KCNN2: variants seen among roughly 807,000 people sequenced by gnomAD.
KCNN2 encodes potassium calcium-activated channel subfamily N member 2, also known as small conductance calcium-activated potassium channel protein 2.
A neutral mutation model predicts 55.5 loss-of-function variants in KCNN2; 24 were observed. That is an observed-to-expected ratio of 0.43 (90% confidence interval 0.31 to 0.61). KCNN2 has a LOEUF of 0.61. Among genes scored for constraint, KCNN2 ranks in the 20% least tolerant of loss-of-function variants. The probability of loss-of-function intolerance (pLI) is 0.08; values close to 1 mark genes in which losing one functional copy is unlikely to be tolerated. For missense variants in KCNN2, 754 were observed against 853.6 expected (o/e 0.88, Z 1.45); for synonymous variants, 431 against 336.1 (o/e 1.28, Z -3.09).
chr5:114,491,525 T>TAA (rs1319058840), intron 6 of KCNN2, among the ~76,000 whole-genome samples: 1 of 54,330 alleles, frequency 1.8e-5, no homozygotes, highest in Admixed American at 1.8e-4. Context: ...TTTTTTTTTT[T>TAA]AAAAAAAGAA....
At chr5:114,241,742 G>GTATA (rs1172895855) in intron 2 of KCNN2, among the ~76,000 whole-genome samples, 3 of 15,948 alleles carry the variant, frequency 1.9e-4, no homozygotes, top group East Asian at 5.8e-3. Context: ...ACATATATAC[G>GTATA]TATATATATG....
intron 7 of KCNN2, 51 bp downstream of exon 7, chr5:114,493,523 C>A: frequency 8.4e-7 from 1 of 1,194,310 alleles, no homozygotes; most frequent in Non-Finnish European, 1.3e-6. Flanking sequence ...AAATCAACCA[C>A]TTCACAGTCA....
chr5:114,401,633 G>T (rs1287991733), intron 2 of KCNN2, among the ~76,000 whole-genome samples: 1 of 152,126 alleles, frequency 6.6e-6, no homozygotes, highest in African/African-American at 2.4e-5. Flanking sequence ...AACAAAGGAG[G>T]GAGTTTCCAG....
At chr5:114,428,713 TAATCC>T (rs1759700508) in intron 3 of KCNN2, among the ~76,000 whole-genome samples, 1 of 152,130 alleles carries the variant, frequency 6.6e-6, no homozygotes, top group Non-Finnish European at 1.5e-5. Flanking sequence ...GTCTACCTAT[TAATCC>T]CTTTCTTCTC....
chr5:114,232,397 C>A (rs1379539218), intron 2 of KCNN2, among the ~76,000 whole-genome samples: 1 of 151,196 alleles, frequency 6.6e-6, no homozygotes, highest in South Asian at 2.1e-4. Flanking sequence ...ATAAACATAA[C>A]ATTAAAAAAT....
chr5:114,157,357 A>T (rs1752658158), intron 1 of KCNN2, among the ~76,000 whole-genome samples: 1 of 152,038 alleles, frequency 6.6e-6, no homozygotes, highest in Non-Finnish European at 1.5e-5. Context: ...ATGGCTGCCT[A>T]GTATTCCCTG....
At chr5:114,223,923 G>A (rs1221902548) in intron 2 of KCNN2, among the ~76,000 whole-genome samples, 1 of 152,152 alleles carries the variant, frequency 6.6e-6, no homozygotes, top group Admixed American at 6.5e-5. Flanking sequence ...AACAATGTTG[G>A]TTCTATGGTT....
At chr5:114,192,133 C>G (rs1477950518) in intron 1 of KCNN2, among the ~76,000 whole-genome samples, 1 of 152,132 alleles carries the variant, frequency 6.6e-6, no homozygotes, top group Admixed American at 6.5e-5. Flanking sequence ...GCCAGCTTTT[C>G]TTTTTGAATT....
At chr5:114,098,756 T>C (rs59621904) in intron 1 of KCNN2, among the ~76,000 whole-genome samples, 160 of 152,274 alleles carry the variant, frequency 1.1e-3, no homozygotes, top group African/African-American at 3.4e-3. Context: ...AGAATTAACA[T>C]GAAACCTGTG....
intron 1 of KCNN2, among the ~76,000 whole-genome samples, chr5:114,165,854 A>G (rs903659095): frequency 6.6e-6 from 1 of 152,158 alleles, no homozygotes; most frequent in Non-Finnish European, 1.5e-5. Flanking sequence ...GGAGAAGCCA[A>G]AAGTTATACA....
intron 3 of KCNN2, among the ~76,000 whole-genome samples, chr5:114,406,137 C>A (rs1267214865): frequency 1.3e-5 from 2 of 150,312 alleles, no homozygotes; most frequent in Admixed American, 6.6e-5. Flanking sequence ...ACCCTGACCA[C>A]CCCCCAGCCC....
At chr5:114,232,518 C>A (rs535760463) in intron 2 of KCNN2, among the ~76,000 whole-genome samples, 3 of 151,114 alleles carry the variant, frequency 2.0e-5, no homozygotes, top group African/African-American at 7.4e-5. Context: ...ACAAGCGGGT[C>A]TTTTTATGTA....
rs182505121 is a variant in KCNN2 at position 114,205,765 on chromosome 5, T to C, written c.-270-15715T>C. ...CTTTATTTAGCAGACAATACTTCTT[T>C]CTCAGTATTTTACTGACTTAAAATG... On this transcript the variant is annotated intron_variant, in intron 1 of 10. Coordinates refer to the KCNN2 transcript ENST00000512097. 2.0e-5 allele frequency among the ~76,000 whole-genome samples: 3 copies of C among 152,348 alleles called. No homozygotes were observed. The East Asian group carries it at 5.8e-4, about 29-fold the overall frequency.
chr5:114,423,618 G>A (rs73782235), intron 3 of KCNN2, among the ~76,000 whole-genome samples: 3,965 of 152,164 alleles, frequency 0.026, 134 homozygotes, highest in African/African-American at 0.087. Flanking sequence ...ATATATATTG[G>A]CATTTCTTCT....
intron 2 of KCNN2, among the ~76,000 whole-genome samples, chr5:114,288,579 G>C (rs903378698): frequency 6.6e-6 from 1 of 151,566 alleles, no homozygotes; most frequent in Non-Finnish European, 1.5e-5. Context: ...GTGTAAGGTG[G>C]TATGTCATTG....
At chr5:114,079,164 A>G (rs1750747295) in intron 1 of KCNN2, among the ~76,000 whole-genome samples, 1 of 152,186 alleles carries the variant, frequency 6.6e-6, no homozygotes, top group Non-Finnish European at 1.5e-5. Context: ...GAAATTTTCT[A>G]TTAAAAATAA....
At chr5:114,309,664 AG>A (rs2150025461) in intron 2 of KCNN2, among the ~76,000 whole-genome samples, 1 of 152,300 alleles carries the variant, frequency 6.6e-6, no homozygotes, top group African/African-American at 2.4e-5. Flanking sequence ...ATGCCAGGCT[AG>A]GTGCTAACAG....
At chr5:114,205,866 T>C (rs1380408376) in intron 1 of KCNN2, among the ~76,000 whole-genome samples, 3 of 152,216 alleles carry the variant, frequency 2.0e-5, no homozygotes, top group Non-Finnish European at 4.4e-5. Flanking sequence ...AAGTCATTTC[T>C]TTTCAAAGGA....
chr5:114,109,170 T>C (rs1751545156), intron 1 of KCNN2, among the ~76,000 whole-genome samples: 1 of 152,034 alleles, frequency 6.6e-6, no homozygotes, highest in African/African-American at 2.4e-5. Context: ...AGGATTCAGG[T>C]CCTCATGGAT....
Sources: gnomAD v4.1 joint callset for allele counts (sites outside exome capture counted in the v4.1 genomes callset) on GRCh38, gnomAD v4.1.1 for gene constraint, MANE v1.5 for transcripts, NCBI Gene and HGNC (gene_info 2026-07-23, HGNC 2026-07-21) for gene names.